Variants in IL1RAPL1 observed in about 807,000 individuals in gnomAD.
The protein encoded by IL1RAPL1 is interleukin 1 receptor accessory protein like 1.
In IL1RAPL1, 3 loss-of-function variants were observed where a neutral mutation model predicts 48.4. The observed-to-expected ratio is 0.06, with a 90% confidence interval of 0.03 to 0.16. The LOEUF is 0.16. Among genes scored for constraint, IL1RAPL1 ranks in the 10% least tolerant of loss-of-function variants. The pLI, the probability that IL1RAPL1 is intolerant of heterozygous loss-of-function variation, is 1.00. For synonymous variants in IL1RAPL1, 185 were observed against 187.7 expected (o/e 0.99, Z 0.12); for missense variants, 349 against 530.6 (o/e 0.66, Z 3.36).
intron 5 of IL1RAPL1, among the ~76,000 whole-genome samples, chrX:29,530,671 A>C (rs896113916): frequency 8.0e-5 from 9 of 111,979 alleles, no homozygotes; most frequent in South Asian, 3.7e-4. Flanking sequence ...GGATGCATGC[A>C]AATGATGAAT....
intron 6 of IL1RAPL1, among the ~76,000 whole-genome samples, chrX:29,719,759 A>C (rs1221691657): frequency 9.3e-6 from 1 of 107,999 alleles, no homozygotes; most frequent in African/African-American, 3.4e-5. Context: ...AAAAAAAAAA[A>C]AAAAAAAAAT....
chrX:29,440,912 T>C (rs1367828286), intron 5 of IL1RAPL1, among the ~76,000 whole-genome samples: 1 of 111,977 alleles, frequency 8.9e-6, no homozygotes, highest in African/African-American at 3.2e-5. Context: ...AATATGGCAA[T>C]AAACAATATG....
intron 9 of IL1RAPL1, among the ~76,000 whole-genome samples, chrX:29,948,232 C>T (rs1469807457): frequency 9.0e-6 from 1 of 111,001 alleles, no homozygotes; most frequent in Non-Finnish European, 1.9e-5. Context: ...CTTTATACCA[C>T]AGATATTTTA....
intron 1 of IL1RAPL1, among the ~76,000 whole-genome samples, chrX:28,724,218 A>C (rs5943533): frequency 3.6e-5 from 4 of 109,683 alleles, no homozygotes; most frequent in Non-Finnish European, 7.6e-5. Context: ...ATTATTATTG[A>C]GTGGGAGTCT....
chrX:28,969,380 A>G (rs1924999273), intron 2 of IL1RAPL1, among the ~76,000 whole-genome samples: 1 of 110,990 alleles, frequency 9.0e-6, no homozygotes, highest in Non-Finnish European at 1.9e-5. Flanking sequence ...CTCATTCTCA[A>G]GAGACTTGGA....
chrX:29,366,771 G>A (rs893188421), intron 3 of IL1RAPL1, among the ~76,000 whole-genome samples: 14 of 108,235 alleles, frequency 1.3e-4, no homozygotes, highest in African/African-American at 4.7e-4. Flanking sequence ...GTTTCACCAT[G>A]TTAGTCAGGA....
rs1935799729 is a variant in IL1RAPL1 at position 28,734,640 on chromosome X, C to T, written c.-24-54680C>T. Among the ~76,000 whole-genome samples, 3 of 109,978 alleles carry T rather than the reference C, an allele frequency of 2.7e-5. No homozygotes were observed. In the South Asian group the frequency reaches 1.2e-3, roughly 45 times the overall value. On this transcript the variant is annotated intron_variant, in intron 1 of 10. Transcript: ENST00000378993. ...GTCACCTCTGGCATTTCCCATTTCT[C>T]CTACCCTCCTCTAGAGCTTAGTATA...
intron 5 of IL1RAPL1, among the ~76,000 whole-genome samples, chrX:29,442,741 C>A (rs1200625511): frequency 9.2e-6 from 1 of 108,971 alleles, no homozygotes; most frequent in African/African-American, 3.3e-5. Flanking sequence ...GTCTGTGGTC[C>A]CAGCTTCTCA....
chrX:29,311,684 C>A (rs2084465475), intron 3 of IL1RAPL1, among the ~76,000 whole-genome samples: 1 of 111,741 alleles, frequency 8.9e-6, no homozygotes, highest in Admixed American at 9.5e-5. Context: ...CTCCAAAGTT[C>A]TCAAGAACAA....
At chrX:29,518,775 C>A (rs930759944) in intron 5 of IL1RAPL1, among the ~76,000 whole-genome samples, 5 of 111,638 alleles carry the variant, frequency 4.5e-5, no homozygotes, top group African/African-American at 1.6e-4. Flanking sequence ...CGGAACCACT[C>A]CAGAATTCGG....
intron 2 of IL1RAPL1, among the ~76,000 whole-genome samples, chrX:28,969,525 A>G (rs1331850685): frequency 9.2e-6 from 1 of 109,049 alleles, no homozygotes; most frequent in Non-Finnish European, 1.9e-5. Flanking sequence ...TTTAGAATGT[A>G]ATACTTGAAT....
At chrX:29,792,212 T>TA (rs1374498489) in intron 6 of IL1RAPL1, among the ~76,000 whole-genome samples, 2 of 111,879 alleles carry the variant, frequency 1.8e-5, no homozygotes, top group African/African-American at 6.5e-5. Context: ...GAGAGATACA[T>TA]AAATCATGCT....
chrX:28,770,369 C>T (rs1250802367), intron 1 of IL1RAPL1, among the ~76,000 whole-genome samples: 2 of 111,287 alleles, frequency 1.8e-5, no homozygotes, highest in African/African-American at 6.5e-5. Context: ...CAAGCTCAAG[C>T]TTCATCAGTC....
At chrX:29,145,231 G>A (rs1929328526) in intron 2 of IL1RAPL1, among the ~76,000 whole-genome samples, 1 of 111,789 alleles carries the variant, frequency 8.9e-6, no homozygotes, top group South Asian at 3.7e-4. Flanking sequence ...GCCATTTTAT[G>A]TTTTTACAAT....
intron 1 of IL1RAPL1, among the ~76,000 whole-genome samples, chrX:28,680,551 C>T (rs764619568): frequency 9.0e-6 from 1 of 111,628 alleles, no homozygotes; most frequent in East Asian, 2.8e-4. Flanking sequence ...GAAAAGCTTT[C>T]AGCTTTTCCC....
chrX:29,859,130 G>C (rs1931529733), intron 6 of IL1RAPL1, among the ~76,000 whole-genome samples: 1 of 111,108 alleles, frequency 9.0e-6, no homozygotes, highest in Non-Finnish European at 1.9e-5. Context: ...AATTTTCTCT[G>C]GGCAATCTCA....
At chrX:29,597,919 CT>C (rs1203954762) in intron 5 of IL1RAPL1, among the ~76,000 whole-genome samples, 3 of 112,238 alleles carry the variant, frequency 2.7e-5, no homozygotes, top group African/African-American at 9.7e-5. Flanking sequence ...CTTCCTTCTT[CT>C]TTTCGTGGTT....
Position 29,955,419 on chromosome X carries a change from A to C in IL1RAPL1, c.1690A>C (p.Ile564Leu), listed in dbSNP as rs1057515852. Residue 564 changes from isoleucine to leucine, a missense_variant, in exon 11 of 11, where the codon ATA becomes CTA. Around this residue, in one of 3 missense-constraint regions of IL1RAPL1, gnomAD observed 46 missense variants for 113.3 expected, o/e 0.41. Transcript: ENST00000378993. The stretch of plus-strand genomic sequence containing the variant: ...ACAGTATGAAATGCCTTTTAAGAGG[A>C]TAGAACCCATTACACATGAGCAGGC... ...RLQYEMPFKR[I>L]EPITHEQALD... The C allele has an allele frequency of 5.0e-6, 6 of 1,209,153 alleles. No homozygotes were observed. Among genetic ancestry groups the C allele is most frequent in the Non-Finnish European group, 5.6e-6 (5 of 895,075 alleles).
At chrX:29,812,860 G>A (rs774775843) in intron 6 of IL1RAPL1, among the ~76,000 whole-genome samples, 141 of 110,775 alleles carry the variant, frequency 1.3e-3, no homozygotes, top group African/African-American at 4.4e-3. Context: ...AAATTAGGTG[G>A]TATAATATTC....
Sources: gnomAD v4.1 joint callset for allele counts (sites outside exome capture counted in the v4.1 genomes callset) on GRCh38, gnomAD v4.1.1 for gene constraint, gnomAD v4.1.1 regional missense constraint, MANE v1.5 for transcripts, NCBI Gene and HGNC (gene_info 2026-07-23, HGNC 2026-07-21) for gene names.